The following HDAC9 variants were observed in gnomAD, a reference collection of about 807,000 sequenced individuals.
HDAC9 encodes the protein histone deacetylase 9, also known as MEF-2 interacting transcription repressor (MITR) protein.
In HDAC9, 41 loss-of-function variants were observed where a neutral mutation model predicts 139.4. The observed-to-expected ratio is 0.29, with a 90% CI of 0.23 to 0.38. The LOEUF (loss-of-function observed/expected upper bound fraction) is 0.38. Ranked by LOEUF, HDAC9 falls within the 10% of genes least tolerant of loss-of-function variation. The pLI, the probability that HDAC9 is intolerant of heterozygous loss-of-function variation, is 1.00. For missense variants in HDAC9, 1,147 were observed against 1,297.0 expected (o/e 0.88, Z 1.78); for synonymous variants, 517 against 476.2 (o/e 1.09, Z -1.12).
chr7:18,470,707 T>A (rs1432224336), intron 1 of HDAC9, among the ~76,000 whole-genome samples: 1 of 152,106 alleles, frequency 6.6e-6, no homozygotes, highest in Non-Finnish European at 1.5e-5. Context: ...ATTCCAGTAA[T>A]ACATTATTTA....
At chr7:18,727,940 TTAGTACTAA>T (rs1191969398) in intron 13 of HDAC9, among the ~76,000 whole-genome samples, 183 bp downstream of exon 13, 2 of 152,228 alleles carry the variant, frequency 1.3e-5, no homozygotes, top group African/African-American at 4.8e-5. Flanking sequence ...AATCTTGGGC[TTAGTACTAA>T]TAGCCTCATA....
At chr7:18,892,169 A>G (rs1358815781) in intron 22 of HDAC9, 1 of 152,192 alleles carries the variant, frequency 6.6e-6, no homozygotes, top group Non-Finnish European at 1.5e-5. Flanking sequence ...GACACGAAGT[A>G]TCTATTTGAA....
intron 1 of HDAC9, among the ~76,000 whole-genome samples, chr7:18,371,326 G>T (rs1223461160): frequency 1.3e-5 from 2 of 152,044 alleles, no homozygotes; most frequent in Non-Finnish European, 2.9e-5. Context: ...CACCTTTATT[G>T]TTAACTGTTA....
At chr7:18,989,815 T>C (rs1033475518) in intron 25 of HDAC9, among the ~76,000 whole-genome samples, 4 of 128,814 alleles carry the variant, frequency 3.1e-5, no homozygotes, top group Non-Finnish European at 4.9e-5. Context: ...CATCTTCCAT[T>C]GCTGATACCC....
intron 24 of HDAC9, among the ~76,000 whole-genome samples, chr7:18,967,214 C>T (rs1230035374): frequency 6.6e-6 from 1 of 152,116 alleles, no homozygotes; most frequent in African/African-American, 2.4e-5. Context: ...AGTGCAGTTG[C>T]AGAGGGTGCA....
At chr7:18,244,776 C>T (rs1002172372) in intron 2 of HDAC9, among the ~76,000 whole-genome samples, 1 of 151,426 alleles carries the variant, frequency 6.6e-6, no homozygotes, top group Non-Finnish European at 1.5e-5. Context: ...CCAGCCTGTG[C>T]GACAGAGTGA....
chr7:18,360,327 G>A (rs1176183732), intron 1 of HDAC9, among the ~76,000 whole-genome samples: 1 of 152,042 alleles, frequency 6.6e-6, no homozygotes, highest in Non-Finnish European at 1.5e-5. Context: ...CTGTACTGTC[G>A]TACTCCTTCA....
chr7:18,102,474 A>G (rs1192845825), intron 1 of HDAC9, among the ~76,000 whole-genome samples: 1 of 152,232 alleles, frequency 6.6e-6, no homozygotes, highest in Non-Finnish European at 1.5e-5. Context: ...TGGCAGTGTT[A>G]CATGGCTATG....
rs1226286968 is a variant in HDAC9, at chr7:18,647,806, A to G, written c.1057A>G (p.Lys353Glu). The G allele has an allele frequency of 1.9e-6, 3 of 1,610,510 alleles. No individual in the cohort carries two copies. The highest frequency in any genetic ancestry group is 2.5e-6 in the Non-Finnish European group (3 of 1,178,284). The change falls in exon 10 of 26, where the codon AAG (lysine) becomes GAG (glutamate). Residue 353 changes from lysine (K) to glutamate (E), a missense_variant. Physicochemically the swap from Lys to Glu is moderately conservative, Grantham distance 56. Transcript: ENST00000686413. ...ACAGGCTTCGAATTCACTCAAAGAA[A>G]AGCAGAAGTGTGAGACGCAGACGCT... is the stretch of plus-strand genomic sequence containing the variant. ...QLNASNSLKE[K>E]QKCETQTLRQ...
chr7:18,153,540 C>T (rs1250794765), intron 1 of HDAC9, among the ~76,000 whole-genome samples: 1 of 152,042 alleles, frequency 6.6e-6, no homozygotes, highest in East Asian at 1.9e-4. Flanking sequence ...GGGAGGGGTC[C>T]AATTAGAGGT....
intron 1 of HDAC9, among the ~76,000 whole-genome samples, chr7:18,333,633 C>CT (rs1322285695): frequency 6.6e-6 from 1 of 151,438 alleles, no homozygotes; most frequent in Non-Finnish European, 1.5e-5. Context: ...GCAGCCAAAG[C>CT]TGTTCTCATG....
intron 12 of HDAC9, among the ~76,000 whole-genome samples, chr7:18,719,162 G>A (rs1173743610): frequency 6.6e-6 from 1 of 152,008 alleles, no homozygotes; most frequent in East Asian, 1.9e-4. Context: ...ATTGATTATT[G>A]TGTTTAAGGA....
At chr7:18,699,288 G>A (rs212666) in intron 12 of HDAC9, among the ~76,000 whole-genome samples, 65,354 of 151,944 alleles carry the variant, frequency 0.43, 16,853 homozygotes, top group African/African-American at 0.72. Flanking sequence ...AATAGGTAAC[G>A]TTTCCAAACC....
At chr7:18,089,803 C>T (rs773594064) in intron 1 of HDAC9, among the ~76,000 whole-genome samples, 10 of 152,084 alleles carry the variant, frequency 6.6e-5, no homozygotes, top group Non-Finnish European at 2.9e-5. Context: ...AACATATGGA[C>T]ATCATAAAAT....
intron 1 of HDAC9, among the ~76,000 whole-genome samples, chr7:18,415,055 A>G (rs1048467587): frequency 6.6e-6 from 1 of 152,134 alleles, no homozygotes; most frequent in East Asian, 1.9e-4. Context: ...CCCGAATTTT[A>G]CAGATGAGAA....
chr7:18,131,493 T>C (rs1379257511), intron 1 of HDAC9, among the ~76,000 whole-genome samples: 1 of 152,202 alleles, frequency 6.6e-6, no homozygotes, highest in African/African-American at 2.4e-5. Flanking sequence ...AATTAAGAAG[T>C]ATTAATAATC....
At chr7:18,449,362 C>CA (rs1792586749) in intron 1 of HDAC9, among the ~76,000 whole-genome samples, 1 of 151,928 alleles carries the variant, frequency 6.6e-6, no homozygotes, top group African/African-American at 2.4e-5. Flanking sequence ...AGAAAGTAAC[C>CA]AAACACAAGA....
intron 2 of HDAC9, among the ~76,000 whole-genome samples, chr7:18,238,932 C>A (rs1402187892): frequency 6.6e-6 from 1 of 152,176 alleles, no homozygotes; most frequent in African/African-American, 2.4e-5. Context: ...GGAACATTGC[C>A]TTAGGCACTC....
At chr7:18,866,976 G>T (rs1798548685) in intron 21 of HDAC9, among the ~76,000 whole-genome samples, 1 of 152,176 alleles carries the variant, frequency 6.6e-6, no homozygotes, top group Non-Finnish European at 1.5e-5. Context: ...AGAATCAATT[G>T]TTCCAAATCT....
Sources: allele counts gnomAD v4.1 joint callset (sites outside exome capture counted in the v4.1 genomes callset), GRCh38; gene constraint gnomAD v4.1.1; transcripts MANE v1.5; gene names NCBI Gene and HGNC (gene_info 2026-07-23, HGNC 2026-07-21).